LRCH3: variants seen among roughly 807,000 people sequenced by gnomAD.
LRCH3 encodes the protein DISP complex protein LRCH3.
A neutral mutation model predicts 104.5 loss-of-function variants in LRCH3; 68 were observed. The observed-to-expected ratio is 0.65, with a 90% CI of 0.54 to 0.80. The LOEUF (loss-of-function observed/expected upper bound fraction) is 0.80. LRCH3 is among the 30% of genes least tolerant of loss of function. The pLI is 0.00. For synonymous variants in LRCH3, 344 were observed against 361.3 expected (o/e 0.95, Z 0.54); for missense variants, 951 against 953.9 (o/e 1.00, Z 0.04).
chr3:197,791,419 C>T lies in LRCH3; in HGVS notation c.141C>T (p.Arg47=). 6.3e-7 allele frequency: 1 copy of T among 1,593,110 alleles called. No individual in the cohort carries two copies. The highest frequency in any genetic ancestry group is 8.5e-7 in the Non-Finnish European group (1 of 1,171,410). ...GPGFGPGSWS[R]SLDRALEEAA... is the part of the protein sequence containing the mutation. ...GTTTTGGCCCGGGCTCGTGGAGCCG[C>T]TCTCTCGATCGAGCCCTGGAGGAGG... Residue 47 remains arginine, a synonymous_variant, in exon 1 of 21, where the codon CGC becomes CGT. Transcript: ENST00000425562.
At chr3:197,840,404 C>G (rs1157191550) in intron 10 of LRCH3, among the ~76,000 whole-genome samples, 1 of 152,180 alleles carries the variant, frequency 6.6e-6, no homozygotes, top group East Asian at 1.9e-4. Flanking sequence ...TTGCAGTGAG[C>G]CGAGATCGCA....
At chr3:197,811,427 C>T (rs1278990215) in intron 1 of LRCH3, among the ~76,000 whole-genome samples, 1 of 151,958 alleles carries the variant, frequency 6.6e-6, no homozygotes, top group Non-Finnish European at 1.5e-5. Context: ...GATTATTTGT[C>T]ATCATCCCTG....
intron 4 of LRCH3, among the ~76,000 whole-genome samples, chr3:197,821,373 A>G (rs1287689453): frequency 6.6e-6 from 1 of 151,800 alleles, no homozygotes; most frequent in Non-Finnish European, 1.5e-5. Flanking sequence ...TCACAAATTA[A>G]TGAAACAGAA....
chr3:197,850,787 C>G (rs1739482899), intron 12 of LRCH3: 1 of 1,236,130 alleles, frequency 8.1e-7, no homozygotes, highest in Non-Finnish European at 1.2e-6. Context: ...ATGGTACACG[C>G]TGTTTCTGTA....
At chr3:197,852,471 G>A in intron 12 of LRCH3, 90 bp from the exon 13 acceptor site, 1 of 1,202,028 alleles carries the variant, frequency 8.3e-7, no homozygotes, top group Non-Finnish European at 1.2e-6. Context: ...AAATTAATTT[G>A]AGTGATTATT....
chr3:197,825,744 A>G (rs896099855), intron 4 of LRCH3, among the ~76,000 whole-genome samples: 6 of 151,356 alleles, frequency 4.0e-5, no homozygotes, highest in South Asian at 2.1e-4. Flanking sequence ...CTCCCAAAGT[A>G]CTGGGATTAC....
chr3:197,798,557 G>A (rs1731529985), intron 1 of LRCH3, among the ~76,000 whole-genome samples: 1 of 152,196 alleles, frequency 6.6e-6, no homozygotes, highest in African/African-American at 2.4e-5. Flanking sequence ...TTGGAGCTAT[G>A]AGAATTAAAA....
chr3:197,850,486 C>T, intron 12 of LRCH3: 1 of 1,591,050 alleles, frequency 6.3e-7, no homozygotes, highest in Admixed American at 1.7e-5. Flanking sequence ...GGTTTAGGAA[C>T]AATCTGTTCC....
In LRCH3 at chr3:197,791,373, C is replaced by G; in HGVS notation, c.95C>G (p.Pro32Arg). 1 of 1,601,052 alleles carries G rather than the reference C, an allele frequency of 6.2e-7. No individual in the cohort carries two copies. The highest frequency in any genetic ancestry group is 8.5e-7 in the Non-Finnish European group (1 of 1,175,262). Residue 32 changes from proline (P) to arginine (R), a missense_variant, in exon 1 of 21, where the codon CCA becomes CGA. By Grantham distance (103) the Pro-to-Arg change is moderately radical. Transcript: ENST00000425562. ...AACCTCCCTGGTGTTCACTGCGGCC[C>G]AAGCTCCGGGGCAGGCCCTGGTTTT... is the stretch of plus-strand genomic sequence containing the variant. Reference protein sequence around the residue: ...GGNLPGVHCGPSSGAGPGFGP... With the variant: ...GGNLPGVHCGRSSGAGPGFGP...
At chr3:197,807,047 A>AC (rs1292051618) in intron 1 of LRCH3, among the ~76,000 whole-genome samples, 1 of 151,466 alleles carries the variant, frequency 6.6e-6, no homozygotes, top group African/African-American at 2.4e-5. Context: ...TCAAAAAAAA[A>AC]AAACAAACAA....
At position 197,815,637 on chromosome 3, in the gene LRCH3, A is replaced by G. The variant is rs561988938; in HGVS notation, c.407+585A>G. 1.4e-3 allele frequency among the ~76,000 whole-genome samples: 219 copies of G among 152,310 alleles called. 2 individuals are homozygous for G. The highest frequency in any genetic ancestry group is 5.0e-3 in the African/African-American group (206 of 41,560). ...CAGTGCTTCTCCAATTACATTTTCT[A>G]ATTAGCTTCATTAAATAAGAATAAT... On this transcript the variant is annotated intron_variant, in intron 2 of 20. Transcript: ENST00000425562.
Position 197,887,294 on chromosome 3 carries a change from G to C in LRCH3, c.*3628G>C, listed in dbSNP as rs1714277309. 6.5e-6 allele frequency: 1 copy of C among 152,752 alleles called. No individual in the cohort carries two copies. Among genetic ancestry groups the C allele is most frequent in the East Asian group, 1.9e-4 (1 of 5,190 alleles). The allele number at this position is 152,752 out of a possible 1,614,324, so 9.5% of individuals were successfully genotyped here. On this transcript the variant is annotated 3_prime_UTR_variant, in exon 21 of 21. Coordinates refer to ENST00000425562, the MANE Select transcript of LRCH3 (RefSeq NM_001365715.1). ...GTAAGATGAAGATGACCTTGTCACA[G>C]CTCCCCTGACCTGAAGCAGAGCCCT...
At chr3:197,880,577 G>A (rs1471373026) in intron 20 of LRCH3, 16 of 1,536,416 alleles carry the variant, frequency 1.0e-5, no homozygotes, top group Middle Eastern at 1.7e-4. Flanking sequence ...CTGTTGAAAC[G>A]CTCCTTTCTC....
chr3:197,867,832 G>A (rs994604540), intron 17 of LRCH3, among the ~76,000 whole-genome samples: 2 of 152,074 alleles, frequency 1.3e-5, no homozygotes, highest in African/African-American at 4.8e-5. Context: ...TCCAGCCTGG[G>A]TGACAGAGCG....
rs1203855972 is a variant in LRCH3 at position 197,804,615 on chromosome 3, A to G, written c.263-10293A>G. Among the ~76,000 whole-genome samples the G allele has an allele frequency of 2.6e-5, 4 of 152,116 alleles. 1 individual carries two copies. The South Asian group carries it at 6.2e-4, about 24-fold the overall frequency. On this transcript the variant is annotated intron_variant, in intron 1 of 20. Coordinates refer to ENST00000425562, the MANE Select transcript of LRCH3 (RefSeq NM_001365715.1). ...TACCAGAAACAGGGCTCTACTACTCATTGGTGTATTTGTTTCTAGTACCTA... is the reference window on the plus strand; with the variant it reads ...TACCAGAAACAGGGCTCTACTACTCGTTGGTGTATTTGTTTCTAGTACCTA...
chr3:197,795,480 T>C (rs1731087488), intron 1 of LRCH3, among the ~76,000 whole-genome samples: 1 of 151,988 alleles, frequency 6.6e-6, no homozygotes, highest in African/African-American at 2.4e-5. Flanking sequence ...GAGGCATGCT[T>C]TGAGCCCTGG....
Position 197,848,029 on chromosome 3 carries a change from G to A in LRCH3, c.1530+8G>A, listed in dbSNP as rs375760529. The A allele has an allele frequency of 1.3e-5, 21 of 1,613,680 alleles. No individual in the cohort carries two copies. The highest frequency in any genetic ancestry group is 1.6e-4 in the Middle Eastern group (1 of 6,070). ...GTCCTGGACTTTGTCAAAGTGAGTCGTTTGAATGATGCTGTTCAAGCTGCT... is the reference window on the plus strand; with the variant it reads ...GTCCTGGACTTTGTCAAAGTGAGTCATTTGAATGATGCTGTTCAAGCTGCT... On this transcript the variant is annotated splice_region_variant and intron_variant, in intron 12 of 20. Coordinates refer to ENST00000425562, the MANE Select transcript of LRCH3 (RefSeq NM_001365715.1).
At chr3:197,880,021 C>T (rs1266230152) in intron 20 of LRCH3, among the ~76,000 whole-genome samples, 1 of 150,964 alleles carries the variant, frequency 6.6e-6, no homozygotes, top group Admixed American at 6.6e-5. Flanking sequence ...TCTCGGCTCA[C>T]TGCAAGCTCC....
At chr3:197,813,597 C>G (rs1358215477) in intron 1 of LRCH3, among the ~76,000 whole-genome samples, 1 of 129,508 alleles carries the variant, frequency 7.7e-6, no homozygotes, top group Non-Finnish European at 1.6e-5. Context: ...GTGGCTCCAT[C>G]TCTGCTCACT....
Sources: allele counts gnomAD v4.1 joint callset (sites outside exome capture counted in the v4.1 genomes callset), GRCh38; gene constraint gnomAD v4.1.1; transcripts MANE v1.5; gene names NCBI Gene and HGNC (gene_info 2026-07-23, HGNC 2026-07-21).